CLCN5: variants seen among roughly 807,000 people sequenced by gnomAD.
CLCN5 encodes the protein Cl-/H+ antiporter 5.
Under a neutral mutation model 54.0 loss-of-function variants are expected in CLCN5, and 17 were observed. That is an observed-to-expected ratio of 0.31 (90% CI 0.22 to 0.47). The LOEUF is 0.47. Ranked by LOEUF, CLCN5 falls within the 20% of genes least tolerant of loss-of-function variation. The probability of loss-of-function intolerance (pLI) is 1.00; values close to 1 mark genes in which losing one functional copy is unlikely to be tolerated. For synonymous variants in CLCN5, 222 were observed against 233.0 expected, an observed-to-expected ratio of 0.95 and a Z score of 0.43; for missense variants, 448 against 646.7, an observed-to-expected ratio of 0.69 and a Z score of 3.33.
intron 4 of CLCN5, among the ~76,000 whole-genome samples, chrX:50,065,504 A>G (rs1557190650): frequency 3.2e-5 from 3 of 95,201 alleles, no homozygotes. Flanking sequence ...TGAAAAAGTC[A>G]GGAAACAACA....
At chrX:50,027,680 A>T (rs1224141390) in intron 3 of CLCN5, among the ~76,000 whole-genome samples, 2 of 108,478 alleles carry the variant, frequency 1.8e-5, no homozygotes, top group African/African-American at 3.4e-5. Context: ...TGTTATAATA[A>T]TTCCAACATT....
chrX:50,055,376 C>T (rs1557188813), intron 4 of CLCN5, among the ~76,000 whole-genome samples: 1 of 111,895 alleles, frequency 8.9e-6, no homozygotes, highest in African/African-American at 3.2e-5. Context: ...GGTGACACAA[C>T]TAGTGAGTTA....
chrX:50,089,808 C>A (rs893630474), intron 12 of CLCN5, among the ~76,000 whole-genome samples: 6 of 111,825 alleles, frequency 5.4e-5, no homozygotes, highest in African/African-American at 2.0e-4. Context: ...TCACTTAAGC[C>A]TGGAAGATGG....
At position 50,095,272 on chromosome X, in the gene CLCN5, A is replaced by C. The variant is rs1934225308; in HGVS notation, c.*3053A>C. On this transcript the variant is annotated 3_prime_UTR_variant, in exon 15 of 15. Coordinates refer to ENST00000376091, the MANE Select transcript of CLCN5 (RefSeq NM_001127898.4). ...TTTGTATCTTCAAATCTTCAATATA[A>C]AGAATTTAAAGAACCTGAAACAGTT... is the stretch of plus-strand genomic sequence containing the variant. 8.9e-6 allele frequency: 1 copy of C among 112,491 alleles called. No individual in the cohort carries two copies. The highest frequency in any genetic ancestry group is 3.2e-5 in the African/African-American group (1 of 30,978). 9.3% of individuals were successfully genotyped at this position (112,491 alleles called of 1,213,427 possible). A position where few individuals can be genotyped will look rare whatever the true frequency, so the allele number is the denominator to read the frequency against.
intron 3 of CLCN5, among the ~76,000 whole-genome samples, chrX:49,990,982 A>C (rs1013061228): frequency 8.9e-6 from 1 of 112,528 alleles, no homozygotes; most frequent in Non-Finnish European, 1.9e-5. Flanking sequence ...GGCTGGTTCC[A>C]TATTTTTGCA....
chrX:50,040,881 A>T (rs1932191084), intron 3 of CLCN5, among the ~76,000 whole-genome samples: 1 of 111,960 alleles, frequency 8.9e-6, no homozygotes, highest in South Asian at 3.7e-4. Flanking sequence ...ATCACAAATG[A>T]GGTATTGTGA....
intron 3 of CLCN5, among the ~76,000 whole-genome samples, chrX:50,017,957 G>A (rs1164487297): frequency 9.0e-6 from 1 of 111,229 alleles, no homozygotes; most frequent in Non-Finnish European, 1.9e-5. Context: ...GGCTATTCTG[G>A]GTCATTTGTC....
intron 4 of CLCN5, among the ~76,000 whole-genome samples, chrX:50,058,505 T>C (rs1047296455): frequency 2.7e-5 from 3 of 111,703 alleles, no homozygotes; most frequent in Non-Finnish European, 5.6e-5. Flanking sequence ...TAGACAGTGA[T>C]TTCCATAATG....
At chrX:49,942,733 C>G (rs1557171261) in intron 3 of CLCN5, among the ~76,000 whole-genome samples, 1 of 110,500 alleles carries the variant, frequency 9.0e-6, no homozygotes, top group Non-Finnish European at 1.9e-5. Flanking sequence ...AGGACATGAA[C>G]TCATCCTTTT....
At chrX:50,019,426 G>C (rs782601514) in intron 3 of CLCN5, among the ~76,000 whole-genome samples, 19 of 92,925 alleles carry the variant, frequency 2.0e-4, no homozygotes, top group Non-Finnish European at 3.8e-4. Context: ...AATACAAAAA[G>C]TAATTTGTGC....
At chrX:49,926,180 T>C (rs2147246759) in intron 3 of CLCN5, among the ~76,000 whole-genome samples, 1 of 112,425 alleles carries the variant, frequency 8.9e-6, no homozygotes, top group African/African-American at 3.2e-5. Flanking sequence ...TTCATTGTGT[T>C]GGTTGTGACT....
rs1045927855 is a variant in CLCN5, at chrX:50,097,842, A to G, written c.*5623A>G. On this transcript the variant is annotated 3_prime_UTR_variant, in exon 15 of 15. Coordinates refer to ENST00000376091, the MANE Select transcript of CLCN5 (RefSeq NM_001127898.4). Reference sequence around the variant, plus strand: ...GATGAGGGCTTTAGCATCTCAAGGCAGACATATGAAGTATTTACTGCTAAA... The same window carrying G: ...GATGAGGGCTTTAGCATCTCAAGGCGGACATATGAAGTATTTACTGCTAAA... The G allele has an allele frequency of 8.9e-6, 1 of 112,389 alleles. No individual in the cohort carries two copies. Among genetic ancestry groups the G allele is most frequent in the African/African-American group, 3.2e-5 (1 of 30,840 alleles). The allele number at this position is 112,389 out of a possible 1,213,427, so 9.3% of individuals were successfully genotyped here.
chrX:50,077,619 AGAGTGTGTGTGT>A (rs1933472349), intron 7 of CLCN5, among the ~76,000 whole-genome samples: 4 of 88,381 alleles, frequency 4.5e-5, no homozygotes, highest in South Asian at 5.2e-4. Context: ...AGAGAGAGAG[AGAGTGTGTGTGT>A]GTGTGTGTGT....
chrX:50,000,888 G>C (rs1355194013), intron 3 of CLCN5, among the ~76,000 whole-genome samples: 1 of 111,440 alleles, frequency 9.0e-6, no homozygotes, highest in Non-Finnish European at 1.9e-5. Context: ...AAGCTGCTTG[G>C]TCCCATTATT....
intron 3 of CLCN5, among the ~76,000 whole-genome samples, chrX:49,977,240 G>T (rs371507933): frequency 9.0e-5 from 10 of 110,607 alleles, no homozygotes; most frequent in Non-Finnish European, 1.9e-4. Flanking sequence ...TTAGGGATTT[G>T]TTTCCCTTAT....
At chrX:50,057,979 A>G (rs146080263) in intron 4 of CLCN5, among the ~76,000 whole-genome samples, 67 of 111,298 alleles carry the variant, frequency 6.0e-4, no homozygotes, top group Non-Finnish European at 9.5e-5. Flanking sequence ...AGTGGCATAT[A>G]ATAGGCTCTT....
intron 3 of CLCN5, among the ~76,000 whole-genome samples, chrX:49,998,843 T>C (rs782669591): frequency 2.7e-5 from 3 of 111,109 alleles, no homozygotes; most frequent in African/African-American, 9.8e-5. Flanking sequence ...CTGCAAAGGG[T>C]TTGCTGGCTT....
rs149797310 is a variant in CLCN5 at position 49,939,927 on chromosome X, C to G, written c.16+14613C>G. On this transcript the variant is annotated intron_variant, in intron 3 of 14. Transcript: ENST00000376091. ...TTCTACATGAATCTTATTCAGCAAT[C>G]TCTTAACTCATCACCCCAATTCCAG... 2.2e-3 allele frequency among the ~76,000 whole-genome samples: 250 copies of G among 111,870 alleles called. 7 individuals are homozygous for G. In the East Asian group the frequency reaches 0.064, roughly 29 times the overall value.
intron 3 of CLCN5, among the ~76,000 whole-genome samples, chrX:50,002,679 C>CTGTGTGTGTG (rs782379027): frequency 1.0e-5 from 1 of 100,492 alleles, no homozygotes; most frequent in Non-Finnish European, 2.0e-5. Context: ...CTCTCTCTCT[C>CTGTGTGTGTG]TCTGTGTGTG....
Sources: allele counts gnomAD v4.1 joint callset (sites outside exome capture counted in the v4.1 genomes callset), GRCh38; gene constraint gnomAD v4.1.1; transcripts MANE v1.5; gene names NCBI Gene and HGNC (gene_info 2026-07-23, HGNC 2026-07-21).